The following FGF14 variants were observed in gnomAD, a reference collection of about 807,000 sequenced individuals.
FGF14 encodes fibroblast growth factor 14, also known as fibroblast growth factor homologous factor 4.
In FGF14, 5 loss-of-function variants were observed where a neutral mutation model predicts 25.5. That is an observed-to-expected ratio of 0.20 (90% CI 0.10 to 0.41). FGF14 has a LOEUF of 0.41. Among genes scored for constraint, FGF14 ranks in the 10% least tolerant of loss-of-function variants. The pLI is 1.00. For missense variants in FGF14, 222 were observed against 320.1 expected, an observed-to-expected ratio of 0.69 and a Z score of 2.34; for synonymous variants, 138 against 118.3, an observed-to-expected ratio of 1.17 and a Z score of -1.08.
intron 1 of FGF14, among the ~76,000 whole-genome samples, chr13:102,143,349 A>C (rs1361198142): frequency 6.6e-6 from 1 of 152,214 alleles, no homozygotes; most frequent in African/African-American, 2.4e-5. Flanking sequence ...ATTTAAAAAA[A>C]AATGTGTGTG....
intron 3 of FGF14, among the ~76,000 whole-genome samples, chr13:101,839,956 G>A (rs1261383978): frequency 6.6e-6 from 1 of 151,944 alleles, no homozygotes; most frequent in African/African-American, 2.4e-5. Context: ...ATTTCACTCG[G>A]GAAGAATGGC....
At chr13:101,760,330 G>A (rs1362935659) in intron 3 of FGF14, among the ~76,000 whole-genome samples, 1 of 152,044 alleles carries the variant, frequency 6.6e-6, no homozygotes, top group African/African-American at 2.4e-5. Context: ...CTATTAAAAA[G>A]GCTTTTGTCT....
At chr13:101,923,924 T>C (rs2034184553) in intron 1 of FGF14, among the ~76,000 whole-genome samples, 2 of 152,128 alleles carry the variant, frequency 1.3e-5, no homozygotes, top group South Asian at 2.1e-4. Context: ...GATTTTCTTT[T>C]AATCCAGCTA....
intron 1 of FGF14, among the ~76,000 whole-genome samples, chr13:102,046,811 T>C (rs1246479768): frequency 6.6e-6 from 1 of 152,220 alleles, no homozygotes; most frequent in Non-Finnish European, 1.5e-5. Flanking sequence ...ATGCATTTGC[T>C]ATATTTGAAG....
intron 1 of FGF14, among the ~76,000 whole-genome samples, chr13:102,060,917 C>T (rs533119746): frequency 6.6e-6 from 1 of 152,264 alleles, no homozygotes; most frequent in East Asian, 1.9e-4. Context: ...AGCCAGATGT[C>T]AAGAAGAACA....
At chr13:102,339,133 C>G (rs1032399763) in intron 1 of FGF14, among the ~76,000 whole-genome samples, 2 of 151,716 alleles carry the variant, frequency 1.3e-5, no homozygotes, top group South Asian at 4.2e-4. Context: ...GTGTGAACAC[C>G]CCGTTTTCCA....
intron 1 of FGF14, among the ~76,000 whole-genome samples, chr13:101,945,101 C>T (rs946317541): frequency 2.6e-5 from 4 of 152,102 alleles, no homozygotes; most frequent in African/African-American, 9.7e-5. Context: ...GGTGGATCAC[C>T]TGAGGTCAGG....
At chr13:102,381,148 T>G (rs374617961) in intron 1 of FGF14, among the ~76,000 whole-genome samples, 8 of 152,308 alleles carry the variant, frequency 5.3e-5, no homozygotes, top group African/African-American at 1.9e-4. Context: ...GTATGGGCAG[T>G]CTGAATGCAT....
intron 1 of FGF14, among the ~76,000 whole-genome samples, chr13:102,047,564 C>T (rs1183118689): frequency 2.6e-5 from 4 of 152,098 alleles, no homozygotes; most frequent in African/African-American, 7.2e-5. Context: ...TCATTCTCAG[C>T]AAACTATCGC....
At chr13:101,732,259 T>C (rs568996572) in intron 3 of FGF14, among the ~76,000 whole-genome samples, 75 of 152,208 alleles carry the variant, frequency 4.9e-4, no homozygotes, top group Non-Finnish European at 9.7e-4. Flanking sequence ...ATGAAAATTA[T>C]GTTTTTGTTA....
chr13:101,875,329 C>T (rs752643730), intron 1 of FGF14, 33 bp from the exon 2 acceptor site: 2 of 1,380,722 alleles, frequency 1.4e-6, no homozygotes, highest in South Asian at 1.2e-5. Context: ...ATAAGCCTCA[C>T]AATGTGTCAC....
chr13:101,876,797 T>G (rs1229373854), intron 1 of FGF14, among the ~76,000 whole-genome samples: 2 of 152,074 alleles, frequency 1.3e-5, no homozygotes, highest in African/African-American at 4.8e-5. Flanking sequence ...TATGCACTAG[T>G]GGAAAAAAAA....
At chr13:102,255,467 C>T (rs1303799608) in intron 1 of FGF14, among the ~76,000 whole-genome samples, 1 of 152,096 alleles carries the variant, frequency 6.6e-6, no homozygotes, top group African/African-American at 2.4e-5. Flanking sequence ...GGGAAGCCAT[C>T]CATTTAAAGG....
chr13:101,859,717 C>T (rs184744010), intron 3 of FGF14, among the ~76,000 whole-genome samples: 1 of 152,076 alleles, frequency 6.6e-6, no homozygotes, highest in East Asian at 1.9e-4. Context: ...ATGATGGGCC[C>T]ATATGGGAAC....
At chr13:101,834,402 GT>G (rs2140293728) in intron 3 of FGF14, among the ~76,000 whole-genome samples, 1 of 152,140 alleles carries the variant, frequency 6.6e-6, no homozygotes, top group African/African-American at 2.4e-5. Flanking sequence ...ATATGTGGTG[GT>G]CCATAGCTAC....
intron 1 of FGF14, among the ~76,000 whole-genome samples, chr13:102,044,272 T>C (rs1012496441): frequency 3.3e-5 from 5 of 152,158 alleles, no homozygotes; most frequent in Non-Finnish European, 5.9e-5. Flanking sequence ...TCCTGGTAGA[T>C]GCTGTCCTAA....
At chr13:102,286,028 C>A (rs187063952) in intron 1 of FGF14, among the ~76,000 whole-genome samples, 303 of 152,310 alleles carry the variant, frequency 2.0e-3, no homozygotes, top group Admixed American at 3.1e-3. Context: ...TATCCAGAAC[C>A]ATTGGTCTGA....
chr13:101,757,995 A>C (rs907829801), intron 3 of FGF14, among the ~76,000 whole-genome samples: 1 of 152,200 alleles, frequency 6.6e-6, no homozygotes, highest in Admixed American at 6.5e-5. Context: ...TCTGCATCCC[A>C]TTTAGAACTT....
chr13:101,858,613 A>T (rs1350311457), intron 3 of FGF14, among the ~76,000 whole-genome samples: 1 of 152,076 alleles, frequency 6.6e-6, no homozygotes, highest in African/African-American at 2.4e-5. Flanking sequence ...AAATATAGCT[A>T]ACCAAAATTT....
Sources: allele counts gnomAD v4.1 joint callset (sites outside exome capture counted in the v4.1 genomes callset), GRCh38; gene constraint gnomAD v4.1.1; transcripts MANE v1.5; gene names NCBI Gene and HGNC (gene_info 2026-07-23, HGNC 2026-07-21).